The following MOB4 variants were observed in gnomAD, a reference collection of about 807,000 sequenced individuals.
MOB4 encodes the protein MOB-like protein phocein.
Under a neutral mutation model 32.2 loss-of-function variants are expected in MOB4, and 4 were observed. The ratio of observed to expected loss-of-function variants is 0.12; its 90% CI spans 0.06 to 0.28. The LOEUF is 0.28. Ranked by LOEUF, MOB4 falls within the 10% of genes least tolerant of loss-of-function variation. The pLI is 1.00. For missense variants in MOB4, 158 were observed against 271.2 expected (o/e 0.58, Z 2.93); for synonymous variants, 88 against 88.1 (o/e 1.00, Z 0.01).
chr2:197,532,025 T>C (rs2086714803), intron 2 of MOB4, among the ~76,000 whole-genome samples: 1 of 152,050 alleles, frequency 6.6e-6, no homozygotes, highest in African/African-American at 2.4e-5. Context: ...TTCTCCCGCC[T>C]CAGTCTCCCA....
At chr2:197,540,515 T>C in intron 5 of MOB4, 78 bp downstream of exon 5, 1 of 1,331,188 alleles carries the variant, frequency 7.5e-7, no homozygotes, top group East Asian at 2.7e-5. Context: ...AGACAAGTTT[T>C]TAGGGTTTTT....
chr2:197,530,269 C>T (rs930026375), intron 2 of MOB4, among the ~76,000 whole-genome samples: 4 of 148,622 alleles, frequency 2.7e-5, no homozygotes, highest in Admixed American at 6.7e-5. Flanking sequence ...TGCCTGGACT[C>T]TATTTTTATT....
intron 1 of MOB4, among the ~76,000 whole-genome samples, chr2:197,520,213 C>T (rs886471544): frequency 3.4e-5 from 5 of 148,720 alleles, no homozygotes; most frequent in Admixed American, 1.3e-4. Flanking sequence ...GACAGAATCT[C>T]GCTCTGTCTC....
intron 7 of MOB4, 26 bp downstream of exon 7, chr2:197,550,412 G>A (rs1432963667): frequency 6.2e-7 from 1 of 1,609,586 alleles, no homozygotes; most frequent in Non-Finnish European, 8.5e-7. Flanking sequence ...TGATTATCTT[G>A]ATGCATTCTT....
chr2:197,528,616 C>CTTTTTCT (rs2086647312), intron 2 of MOB4, among the ~76,000 whole-genome samples: 1 of 131,690 alleles, frequency 7.6e-6, no homozygotes, highest in African/African-American at 2.7e-5. Flanking sequence ...TTTTCTTTTT[C>CTTTTTCT]TTTTTTTTTT....
At chr2:197,529,341 T>G (rs1200779462) in intron 2 of MOB4, among the ~76,000 whole-genome samples, 1 of 151,654 alleles carries the variant, frequency 6.6e-6, no homozygotes, top group Non-Finnish European at 1.5e-5. Flanking sequence ...ACATTTTTAT[T>G]TTTATTTTAT....
At chr2:197,520,252 G>A (rs2086491386) in intron 1 of MOB4, among the ~76,000 whole-genome samples, 1 of 148,076 alleles carries the variant, frequency 6.8e-6, no homozygotes, top group Non-Finnish European at 1.5e-5. Context: ...CTGCACTCTC[G>A]GCTCACTGCA....
intron 1 of MOB4, among the ~76,000 whole-genome samples, chr2:197,519,886 A>G (rs2086483925): frequency 6.6e-6 from 1 of 152,204 alleles, no homozygotes. Flanking sequence ...TCTTTAATAG[A>G]TAATGTCTAA....
intron 2 of MOB4, among the ~76,000 whole-genome samples, chr2:197,528,804 G>A (rs2086652438): frequency 6.6e-6 from 1 of 150,776 alleles, no homozygotes. Flanking sequence ...TTTTAGTAGA[G>A]AACGGGGTTT....
intron 3 of MOB4, among the ~76,000 whole-genome samples, chr2:197,536,248 G>C (rs763233630): frequency 3.9e-5 from 6 of 151,982 alleles, no homozygotes; most frequent in Non-Finnish European, 5.9e-5. Flanking sequence ...CTGTTGCCTA[G>C]GCTGGAATGC....
Position 197,551,570 on chromosome 2 carries a change from A to T in MOB4, c.*924A>T, listed in dbSNP as rs1038806205. 7 of 152,778 alleles carry T rather than the reference A, an allele frequency of 4.6e-5. No individual in the cohort carries two copies. The highest frequency in any genetic ancestry group is 1.7e-4 in the African/African-American group (7 of 41,458). 9.5% of individuals were successfully genotyped at this position (152,778 alleles called of 1,614,324 possible). A position where few individuals can be genotyped will look rare whatever the true frequency, so the allele number is the denominator to read the frequency against. On this transcript the variant is annotated 3_prime_UTR_variant, in exon 8 of 8. Coordinates refer to ENST00000323303, the MANE Select transcript of MOB4 (RefSeq NM_015387.5). The stretch of plus-strand genomic sequence containing the variant: ...TTGTTCTACTTAGAAAACAGTCCTT[A>T]AAATAGTTTGACTCTTCCTGTTAGT...
chr2:197,537,795 CAA>C (rs960643084), intron 3 of MOB4, among the ~76,000 whole-genome samples: 6 of 151,990 alleles, frequency 3.9e-5, no homozygotes, highest in African/African-American at 1.5e-4. Flanking sequence ...TTTCTTGAGA[CAA>C]GAGTCTCGAG....
At chr2:197,540,823 G>A (rs1341889141) in intron 5 of MOB4, among the ~76,000 whole-genome samples, 1 of 151,984 alleles carries the variant, frequency 6.6e-6, no homozygotes, top group Non-Finnish European at 1.5e-5. Context: ...TTACTTTTGA[G>A]CTTTTAAATA....
At position 197,535,634 on chromosome 2, in the gene MOB4, G is replaced by A. The variant is rs532365456; in HGVS notation, c.224+4G>A. ...TGTGGAAGTATGAACATTTAAGGTA[G>A]GACCTTACATCAAAATACTAATAGT... On this transcript the variant is annotated splice_donor_region_variant and intron_variant, in intron 3 of 7. Transcript: ENST00000323303. 1.2e-6 allele frequency: 2 copies of A among 1,602,014 alleles called. No homozygotes were observed. The highest frequency in any genetic ancestry group is 1.7e-6 in the Non-Finnish European group (2 of 1,176,874).
chr2:197,516,669 T>A, intron 1 of MOB4: 1 of 471,684 alleles, frequency 2.1e-6, no homozygotes, highest in South Asian at 1.5e-5. Flanking sequence ...TCCTCCTTGT[T>A]TCCCTTTGAC....
intron 1 of MOB4, among the ~76,000 whole-genome samples, chr2:197,522,037 G>A: frequency 6.6e-6 from 1 of 152,122 alleles, no homozygotes; most frequent in East Asian, 1.9e-4. Context: ...AGAGACTGCA[G>A]TAAAGACAGG....
intron 1 of MOB4, among the ~76,000 whole-genome samples, chr2:197,519,009 C>T (rs1311890070): frequency 2.0e-5 from 3 of 152,056 alleles, no homozygotes; most frequent in Admixed American, 6.6e-5. Flanking sequence ...CCGCCCGTCT[C>T]GGCCTCTGAA....
At chr2:197,519,759 G>A (rs1469500918) in intron 1 of MOB4, among the ~76,000 whole-genome samples, 1 of 151,942 alleles carries the variant, frequency 6.6e-6, no homozygotes, top group African/African-American at 2.4e-5. Flanking sequence ...CTGTACATGT[G>A]TTTTCTAATA....
rs984680591 is a variant in MOB4 at position 197,552,767 on chromosome 2, T to A, written c.*2121T>A. ...AGAATTTTGAAAATGTACTTATATA[T>A]ACATAAATACTACTAAAAAATTAAT... On this transcript the variant is annotated 3_prime_UTR_variant, in exon 8 of 8. Transcript: ENST00000323303. 2.6e-5 allele frequency: 4 copies of A among 152,296 alleles called. No homozygotes were observed. The highest frequency in any genetic ancestry group is 9.7e-5 in the African/African-American group (4 of 41,448). The allele number at this position is 152,296 out of a possible 1,614,324, so 9.4% of individuals were successfully genotyped here. A position where few individuals can be genotyped will look rare whatever the true frequency, so the allele number is the denominator to read the frequency against.
Sources: allele counts gnomAD v4.1 joint callset (sites outside exome capture counted in the v4.1 genomes callset), GRCh38; gene constraint gnomAD v4.1.1; transcripts MANE v1.5; gene names NCBI Gene and HGNC (gene_info 2026-07-23, HGNC 2026-07-21).